PECAM1: variants seen among roughly 807,000 people sequenced by gnomAD.
PECAM1 encodes platelet endothelial cell adhesion molecule.
PECAM1 carries 8 observed loss-of-function variants against 13.8 expected under a neutral mutation model. The observed-to-expected ratio is 0.58, with a 90% CI of 0.34 to 1.05. The LOEUF (loss-of-function observed/expected upper bound fraction) is 1.05. PECAM1 is among the 50% of genes least tolerant of loss of function. PECAM1 has a pLI of 0.03. For synonymous variants in PECAM1, 136 were observed against 52.6 expected (o/e 2.58, Z -6.86); for missense variants, 304 against 141.2 (o/e 2.15, Z -5.84).
At chr17:64,388,728 C>T (rs1421754886) in intron 2 of PECAM1, among the ~76,000 whole-genome samples, 16 of 152,060 alleles carry the variant, frequency 1.1e-4, no homozygotes, top group African/African-American at 2.7e-4. Flanking sequence ...AGTGCAGTGG[C>T]GCAATCCTGG....
intron 5 of PECAM1, among the ~76,000 whole-genome samples, chr17:64,369,537 G>A (rs1214478107): frequency 2.6e-5 from 4 of 152,156 alleles, no homozygotes; most frequent in African/African-American, 9.7e-5. Context: ...GTTGAGCTTT[G>A]GTGCCGGAGC....
At position 64,365,377 on chromosome 17, in the gene PECAM1, C is replaced by T. The variant is rs1267772817; in HGVS notation, c.968-1980G>A. Among the ~76,000 whole-genome samples, 8 of 151,646 alleles carry T rather than the reference C, an allele frequency of 5.3e-5. No individual in the cohort carries two copies. The East Asian group carries it at 5.8e-4, about 11-fold the overall frequency. ...GGTCATGGGTAGGAAGAATCAATAT[C>T]GTGAAAATGGCCATACTGCCCAAGG... On this transcript the variant is annotated intron_variant, in intron 5 of 15. Coordinates refer to ENST00000563924, the MANE Select transcript of PECAM1 (RefSeq NM_000442.5).
chr17:64,341,286 G>C (rs2035423527), intron 14 of PECAM1, among the ~76,000 whole-genome samples: 1 of 151,490 alleles, frequency 6.6e-6, no homozygotes. Flanking sequence ...AGAGAAAAAA[G>C]AAAACAAGAA....
In PECAM1 at chr17:64,363,163, T is replaced by C; in HGVS notation, c.1202A>G (p.Gln401Arg). ...AATATACTCACCACATACGACTATC[T>C]GGACTGTGTTGCTTTTCTTGACCAC... ...DKVVKKSNTV[Q>R]IVVCEMLSQP... Residue 401 changes from glutamine to arginine, a missense_variant, in exon 6 of 16, where the codon CAG (glutamine) becomes CGG (arginine). By Grantham distance (43) the Gln-to-Arg change is conservative. Coordinates refer to ENST00000563924, the MANE Select transcript of PECAM1 (RefSeq NM_000442.5). 1 of 475,414 alleles carries C rather than the reference T, an allele frequency of 2.1e-6. No homozygotes were observed. The highest frequency in any genetic ancestry group is 6.7e-5 in the South Asian group (1 of 14,888). 29.4% of individuals were successfully genotyped at this position (475,414 alleles called of 1,614,324 possible). A position where few individuals can be genotyped will look rare whatever the true frequency, so the allele number is the denominator to read the frequency against.
chr17:64,330,746 T>A (rs1309100373), intron 14 of PECAM1, among the ~76,000 whole-genome samples: 9 of 111,004 alleles, frequency 8.1e-5, no homozygotes, highest in Non-Finnish European at 1.7e-4. Flanking sequence ...CCAAACCCTG[T>A]TGATACTTTT....
intron 4 of PECAM1, among the ~76,000 whole-genome samples, chr17:64,370,641 C>T (rs1326758906): frequency 6.6e-6 from 1 of 152,110 alleles, no homozygotes; most frequent in African/African-American, 2.4e-5. Flanking sequence ...CCCAGGAGTT[C>T]TAGAACAGCC....
chr17:64,346,088 G>A (rs1175553750), intron 13 of PECAM1, among the ~76,000 whole-genome samples: 1 of 152,240 alleles, frequency 6.6e-6, no homozygotes, highest in Admixed American at 6.5e-5. Flanking sequence ...CATTCAGCCT[G>A]CACAGTCAGG....
chr17:64,329,801 G>A, intron 14 of PECAM1, 79 bp from the exon 15 acceptor site: 1 of 727,766 alleles, frequency 1.4e-6, no homozygotes, highest in Non-Finnish European at 2.6e-6. Context: ...ACAGGGTCAG[G>A]AGCAGGTCGA....
At chr17:64,382,815 TC>T (rs1195387793) in intron 2 of PECAM1, among the ~76,000 whole-genome samples, 1 of 151,916 alleles carries the variant, frequency 6.6e-6, no homozygotes, top group Non-Finnish European at 1.5e-5. Context: ...GCTGGGCAGA[TC>T]ACTTGAGGTC....
At chr17:64,355,890 G>A (rs2035834618) in intron 8 of PECAM1, among the ~76,000 whole-genome samples, 1 of 152,116 alleles carries the variant, frequency 6.6e-6, no homozygotes. Flanking sequence ...TAATTGGAAC[G>A]ATGTGACATT....
At chr17:64,349,839 C>G (rs1403774476) in intron 12 of PECAM1, among the ~76,000 whole-genome samples, 1 of 151,868 alleles carries the variant, frequency 6.6e-6, no homozygotes, top group East Asian at 1.9e-4. Flanking sequence ...GAGCCGAGAT[C>G]GCACCACTGC....
rs1185700541 is a variant in PECAM1, at chr17:64,390,782, G to A, written c.-117C>T. On this transcript the variant is annotated 5_prime_UTR_variant, in exon 1 of 16. Transcript: ENST00000563924. ...ACCCGCCCTGTGAAAAGCAGAAATT[G>A]CTCTGGTCACTTCTCCCGGCGCCTG... 2.5e-6 allele frequency: 1 copy of A among 399,630 alleles called. No homozygotes were observed. Among genetic ancestry groups the A allele is most frequent in the Non-Finnish European group, 4.4e-6 (1 of 226,136 alleles). 24.8% of individuals were successfully genotyped at this position (399,630 alleles called of 1,614,324 possible).
intron 7 of PECAM1, among the ~76,000 whole-genome samples, chr17:64,356,792 AC>A (rs2035856659): frequency 6.6e-6 from 1 of 152,110 alleles, no homozygotes; most frequent in East Asian, 1.9e-4. Flanking sequence ...ATGCCAGGCC[AC>A]AGACAATCTT....
intron 6 of PECAM1, among the ~76,000 whole-genome samples, chr17:64,362,317 C>A (rs1220853176): frequency 1.3e-5 from 2 of 152,176 alleles, no homozygotes; most frequent in Non-Finnish European, 2.9e-5. Flanking sequence ...AAGTCTTACC[C>A]TTTTGGGTTA....
intron 2 of PECAM1, among the ~76,000 whole-genome samples, chr17:64,382,523 TA>T (rs1377903152): frequency 6.6e-6 from 1 of 152,128 alleles, no homozygotes; most frequent in Non-Finnish European, 1.5e-5. Flanking sequence ...GTTACAGAAA[TA>T]AAGTCGACTC....
intron 15 of PECAM1, among the ~76,000 whole-genome samples, chr17:64,326,172 A>G (rs1481384960): frequency 6.6e-6 from 1 of 152,196 alleles, no homozygotes; most frequent in Non-Finnish European, 1.5e-5. Context: ...GCCCTGGGCA[A>G]CAGTGGGCCC....
At position 64,322,162 on chromosome 17, in the gene PECAM1, G is replaced by T; in HGVS notation, c.*1654C>A. The T allele has an allele frequency of 1.2e-6, 1 of 821,474 alleles. No homozygotes were observed. The highest frequency in any genetic ancestry group is 1.5e-6 in the Non-Finnish European group (1 of 672,192). The allele number at this position is 821,474 out of a possible 1,614,324, so 50.9% of individuals were successfully genotyped here. A position where few individuals can be genotyped will look rare whatever the true frequency, so the allele number is the denominator to read the frequency against. Reference sequence around the variant, plus strand: ...AGCACACATGAGGACAAGGCGGGCAGATCACCAAAGGTCAGGCATTCGAGA... The same window carrying T: ...AGCACACATGAGGACAAGGCGGGCATATCACCAAAGGTCAGGCATTCGAGA... On this transcript the variant is annotated 3_prime_UTR_variant, in exon 16 of 16. Coordinates refer to ENST00000563924, the MANE Select transcript of PECAM1 (RefSeq NM_000442.5).
At position 64,322,466 on chromosome 17, in the gene PECAM1, T is replaced by G; in HGVS notation, c.*1350A>C. 2 of 985,522 alleles carry G rather than the reference T, an allele frequency of 2.0e-6. No individual in the cohort carries two copies. The highest frequency in any genetic ancestry group is 3.5e-5 in the African/African-American group (2 of 57,342). 61.0% of individuals were successfully genotyped at this position (985,522 alleles called of 1,614,324 possible). A position where few individuals can be genotyped will look rare whatever the true frequency, so the allele number is the denominator to read the frequency against. On this transcript the variant is annotated 3_prime_UTR_variant, in exon 16 of 16. Transcript: ENST00000563924. Reference sequence around the variant, plus strand: ...CCCAAGGAGTCCTCAGCACTATAGATGCATGTGGCCCCTCAGAAGACAACA... The same window carrying G: ...CCCAAGGAGTCCTCAGCACTATAGAGGCATGTGGCCCCTCAGAAGACAACA...
At chr17:64,347,540 AAAAAAT>A (rs1239975169) in intron 13 of PECAM1, among the ~76,000 whole-genome samples, 8,939 of 143,452 alleles carry the variant, frequency 0.062, 987 homozygotes, top group African/African-American at 0.22. Context: ...ACAAAGAAAA[AAAAAAT>A]ATATATATAT....
Sources: gnomAD v4.1 joint callset for allele counts (sites outside exome capture counted in the v4.1 genomes callset) on GRCh38, gnomAD v4.1.1 for gene constraint, MANE v1.5 for transcripts, NCBI Gene and HGNC (gene_info 2026-07-23, HGNC 2026-07-21) for gene names.